Variants in CAPN7 observed in about 807,000 individuals in gnomAD.
CAPN7 encodes calpain 7, also known as calpain-7.
CAPN7 carries 72 observed loss-of-function variants against 115.2 expected under a neutral mutation model. The observed-to-expected ratio is 0.63, with a 90% CI of 0.52 to 0.76. The LOEUF is 0.76. CAPN7 is among the 30% of genes least tolerant of loss of function. The probability of loss-of-function intolerance (pLI) is 0.00; values close to 1 mark genes in which losing one functional copy is unlikely to be tolerated. For missense variants in CAPN7, 905 were observed against 971.5 expected, an observed-to-expected ratio of 0.93 and a Z score of 0.91; for synonymous variants, 344 against 322.3, an observed-to-expected ratio of 1.07 and a Z score of -0.72.
At position 15,227,873 on chromosome 3, in the gene CAPN7, C is replaced by CA. The variant is rs756069748; in HGVS notation, c.766dup (p.Thr256AsnfsTer26). Reference sequence around the variant, plus strand: ...GGGCAAGCTACCATTATCACCTAAACAAAAAACTACATTTTCCAAGTGGGT... The same window carrying CA: ...GGGCAAGCTACCATTATCACCTAAACAAAAAAACTACATTTTCCAAGTGGGT... On this transcript the variant is annotated frameshift_variant, in exon 7 of 21. Transcript: ENST00000253693. LOFTEE classifies it high-confidence loss of function. The CA allele has an allele frequency of 1.9e-6, 3 of 1,549,836 alleles. No homozygotes were observed. Among genetic ancestry groups the CA allele is most frequent in the African/African-American group, 1.4e-5 (1 of 71,928 alleles).
chr3:15,239,593 C>T (rs1273791904), intron 12 of CAPN7, among the ~76,000 whole-genome samples: 1 of 152,112 alleles, frequency 6.6e-6, no homozygotes, highest in Non-Finnish European at 1.5e-5. Context: ...TTGTTTTAAA[C>T]TAATGTAATA....
chr3:15,213,910 C>T (rs2045094966), intron 2 of CAPN7, among the ~76,000 whole-genome samples: 1 of 146,228 alleles, frequency 6.8e-6, no homozygotes, highest in Non-Finnish European at 1.5e-5. Flanking sequence ...GGTGGAGTCT[C>T]GTTCTGTCTT....
At position 15,247,344 on chromosome 3, in the gene CAPN7, TG is replaced by T; in HGVS notation, c.2093del (p.Gly698ValfsTer24). On this transcript the variant is annotated frameshift_variant, in exon 19 of 21. Coordinates refer to ENST00000253693, the MANE Select transcript of CAPN7 (RefSeq NM_014296.3). LOFTEE classifies it high-confidence loss of function. Reference protein sequence around the residue: ...LSKRINGKWSGQSAGGCGNFQ... With the variant: ...LSKRINGKWSXQSAGGCGNFQ... ...TTTATTAGATTAATGGAAAGTGGAG[TG>T]GTCAGAGTGCTGGAGGATGTGGAAA... 6.4e-7 allele frequency: 1 copy of T among 1,569,724 alleles called. No homozygotes were observed. The highest frequency in any genetic ancestry group is 8.6e-7 in the Non-Finnish European group (1 of 1,162,590).
chr3:15,218,764 G>A (rs1348678185), intron 4 of CAPN7, among the ~76,000 whole-genome samples: 1 of 152,116 alleles, frequency 6.6e-6, no homozygotes, highest in African/African-American at 2.4e-5. Flanking sequence ...TTTTAGTTTA[G>A]AACAGAAAGG....
chr3:15,234,851 A>T, intron 11 of CAPN7, among the ~76,000 whole-genome samples, 174 bp from the exon 12 acceptor site: 1 of 152,226 alleles, frequency 6.6e-6, no homozygotes, highest in East Asian at 1.9e-4. Context: ...AAAAAGAGAA[A>T]TGTGATAATT....
At position 15,245,674 on chromosome 3, in the gene CAPN7, A is replaced by G. The variant is rs779933766; in HGVS notation, c.2010+3A>G. 1.9e-6 allele frequency: 3 copies of G among 1,611,666 alleles called. No individual in the cohort carries two copies. In the Admixed American group the frequency reaches 5.0e-5, roughly 27 times the overall value. ...ACACAATCCATTACACGGTTCGGGT[A>G]AGTAAAACCAACACACAATGACAAA... On this transcript the variant is annotated splice_donor_region_variant and intron_variant, in intron 17 of 20. Transcript: ENST00000253693.
rs916609111 is a variant in CAPN7 at position 15,240,990 on chromosome 3, AC to A, written c.1652+139del. The A allele has an allele frequency of 3.0e-5, 17 of 564,658 alleles. No individual in the cohort carries two copies. The African/African-American group carries it at 3.1e-4, about 10-fold the overall frequency. 35.0% of individuals were successfully genotyped at this position (564,658 alleles called of 1,614,324 possible). On this transcript the variant is annotated intron_variant, in intron 14 of 20. Coordinates refer to ENST00000253693, the MANE Select transcript of CAPN7 (RefSeq NM_014296.3). ...GAGGCCGAGGTGGGTGGATCAGTTG[AC>A]CTCAGGAGTTCTAGACCAGGTTGGG...
chr3:15,230,224 A>G (rs1424002264), intron 8 of CAPN7, among the ~76,000 whole-genome samples: 1 of 152,200 alleles, frequency 6.6e-6, no homozygotes, highest in East Asian at 1.9e-4. Context: ...TTTGAAATTT[A>G]TGTCCACTTT....
intron 6 of CAPN7, among the ~76,000 whole-genome samples, chr3:15,224,940 C>T (rs953467781): frequency 2.0e-5 from 3 of 152,116 alleles, no homozygotes; most frequent in African/African-American, 7.2e-5. Flanking sequence ...ATTTTTATAT[C>T]TGAGAAACTT....
chr3:15,233,724 A>C, intron 10 of CAPN7, 143 bp from the exon 11 acceptor site: 1 of 568,900 alleles, frequency 1.8e-6, no homozygotes, highest in Non-Finnish European at 3.1e-6. Flanking sequence ...TAAATAAGAA[A>C]TATATTACTA....
In CAPN7 at chr3:15,220,816, T is replaced by A; in HGVS notation, c.473T>A (p.Val158Asp). The change falls in exon 5 of 21, where the codon GTT becomes GAT. Residue 158 changes from valine to aspartate, a missense_variant. By Grantham distance (152) the Val-to-Asp change is radical. Around this residue, in one of 3 missense-constraint regions of CAPN7, gnomAD observed 271 missense variants for 239.6 expected, o/e 1.13. Coordinates refer to ENST00000253693, the MANE Select transcript of CAPN7 (RefSeq NM_014296.3). ...EALSEPLTKPVGKISSTSVKP... is the reference protein window; with the variant it reads ...EALSEPLTKPDGKISSTSVKP... ...CTGAGTGAGCCTTTGACCAAGCCAG[T>A]TGGCAAAATCAGTTCAACAAGTGTT... 1 of 1,614,198 alleles carries A rather than the reference T, an allele frequency of 6.2e-7. No homozygotes were observed. The highest frequency in any genetic ancestry group is 2.2e-5 in the East Asian group (1 of 44,886).
Position 15,241,593 on chromosome 3 carries a change from T to G in CAPN7, c.1788+5T>G, listed in dbSNP as rs759583199. On this transcript the variant is annotated splice_donor_5th_base_variant and intron_variant, in intron 15 of 20. Coordinates refer to ENST00000253693, the MANE Select transcript of CAPN7 (RefSeq NM_014296.3). Reference sequence around the variant, plus strand: ...AGTAGACACATAACAGACAAGGTACTGATACCCTTCTAATGATATCCCATA... The same window carrying G: ...AGTAGACACATAACAGACAAGGTACGGATACCCTTCTAATGATATCCCATA... 1 of 1,612,156 alleles carries G rather than the reference T, an allele frequency of 6.2e-7. No individual in the cohort carries two copies. Among genetic ancestry groups the G allele is most frequent in the Non-Finnish European group, 8.5e-7 (1 of 1,179,104 alleles).
At chr3:15,249,429 A>G (rs1695870540) in intron 19 of CAPN7, among the ~76,000 whole-genome samples, 1 of 152,186 alleles carries the variant, frequency 6.6e-6, no homozygotes, top group Non-Finnish European at 1.5e-5. Flanking sequence ...AAAACATTTC[A>G]TTTTAAAATA....
intron 4 of CAPN7, among the ~76,000 whole-genome samples, chr3:15,220,149 A>G (rs997721028): frequency 6.6e-6 from 1 of 152,178 alleles, no homozygotes; most frequent in African/African-American, 2.4e-5. Context: ...GCAGTGAGCC[A>G]AGATTGCGCC....
chr3:15,232,479 AT>A, intron 9 of CAPN7, 39 bp from the exon 10 acceptor site: 1 of 1,520,012 alleles, frequency 6.6e-7, no homozygotes, highest in South Asian at 1.3e-5. Context: ...ATTTTAAGAT[AT>A]TTTGTGCACC....
intron 2 of CAPN7, among the ~76,000 whole-genome samples, chr3:15,213,855 C>A (rs2045089204): frequency 1.3e-5 from 2 of 151,642 alleles, no homozygotes; most frequent in South Asian, 4.1e-4. Context: ...TAAAGACTTG[C>A]CAGTGAAATA....
At position 15,245,635 on chromosome 3, in the gene CAPN7, A is replaced by G. The variant is rs767652435; in HGVS notation, c.1974A>G (p.Gln658=). 4.5e-5 allele frequency: 73 copies of G among 1,613,950 alleles called. No homozygotes were observed. Among genetic ancestry groups the G allele is most frequent in the Middle Eastern group, 3.3e-4 (2 of 6,060 alleles). ...GTHTFTLVVS[Q]YEKQNTIHYT... Reference sequence around the variant, plus strand: ...ATACCTTTACATTAGTGGTTTCTCAATATGAAAAACAGAACACAATCCATT... The same window carrying G: ...ATACCTTTACATTAGTGGTTTCTCAGTATGAAAAACAGAACACAATCCATT... The change falls in exon 17 of 21, where the codon CAA becomes CAG. Residue 658 remains glutamine (Q), a synonymous_variant. Transcript: ENST00000253693.
intron 1 of CAPN7, among the ~76,000 whole-genome samples, 197 bp from the exon 2 acceptor site, chr3:15,211,907 G>A (rs1446346801): frequency 1.3e-5 from 2 of 151,882 alleles, no homozygotes; most frequent in Non-Finnish European, 2.9e-5. Flanking sequence ...AAAAGTAAAA[G>A]AAAATTGAGA....
chr3:15,227,435 T>G (rs1170258550), intron 6 of CAPN7, among the ~76,000 whole-genome samples: 1 of 152,216 alleles, frequency 6.6e-6, no homozygotes, highest in Non-Finnish European at 1.5e-5. Context: ...TTAGCTACAC[T>G]CATTATTAGC....
Sources: gnomAD v4.1 joint callset for allele counts (sites outside exome capture counted in the v4.1 genomes callset) on GRCh38, gnomAD v4.1.1 for gene constraint, gnomAD v4.1.1 regional missense constraint, MANE v1.5 for transcripts, NCBI Gene and HGNC (gene_info 2026-07-23, HGNC 2026-07-21) for gene names.